The following FTCDNL1 variants were observed in gnomAD, a reference collection of about 807,000 sequenced individuals.
FTCDNL1 encodes the protein formiminotransferase N-terminal subdomain-containing protein.
Under a neutral mutation model 5.9 loss-of-function variants are expected in FTCDNL1, and 11 were observed. The ratio of observed to expected loss-of-function variants is 1.87; its 90% CI spans 1.18 to 3.10. The LOEUF is 3.10. Among genes scored for constraint, FTCDNL1 ranks in the 30% most tolerant of loss-of-function variants. FTCDNL1 has a pLI of 0.00. For synonymous variants in FTCDNL1, 58 were observed against 24.8 expected, an observed-to-expected ratio of 2.34 and a Z score of -3.99; for missense variants, 115 against 65.5, an observed-to-expected ratio of 1.76 and a Z score of -2.61.
downstream of FTCDNL1, among the ~76,000 whole-genome samples, chr2:199,805,710 T>A (rs913526033): frequency 4.0e-5 from 6 of 151,644 alleles, no homozygotes; most frequent in African/African-American, 1.5e-4. Context: ...CTGCACTCCA[T>A]CCTGGGCAAC....
chr2:199,671,384 G>A, the FTCDNL1 span, among the ~76,000 whole-genome samples: 1 of 151,980 alleles, frequency 6.6e-6, no homozygotes, highest in Non-Finnish European at 1.5e-5. Context: ...GCAGCCTATG[G>A]GAGTGCAGGT....
chr2:199,795,871 C>T (rs1382557873), intron 3 of FTCDNL1, among the ~76,000 whole-genome samples: 2 of 152,016 alleles, frequency 1.3e-5, no homozygotes, highest in East Asian at 1.9e-4. Context: ...TTTCTTGTCT[C>T]GGTAAATGCT....
At chr2:199,821,477 T>C (rs768949927) in intron 3 of FTCDNL1, among the ~76,000 whole-genome samples, 1 of 148,904 alleles carries the variant, frequency 6.7e-6, no homozygotes, top group African/African-American at 2.5e-5. Context: ...TGTTTGTTTG[T>C]TTTTTGAGAT....
chr2:199,797,466 T>C (rs955684761), intron 3 of FTCDNL1, among the ~76,000 whole-genome samples: 3 of 152,172 alleles, frequency 2.0e-5, no homozygotes, highest in Admixed American at 6.5e-5. Flanking sequence ...TGAATCTCAT[T>C]TTACTATTTA....
intron 3 of FTCDNL1, among the ~76,000 whole-genome samples, chr2:199,832,008 A>T (rs2106580948): frequency 6.6e-6 from 1 of 152,308 alleles, no homozygotes; most frequent in East Asian, 1.9e-4. Flanking sequence ...TCATGGAGAT[A>T]CAGATACAAG....
At chr2:199,793,028 C>A (rs1185765301) in intron 3 of FTCDNL1, among the ~76,000 whole-genome samples, 1 of 152,012 alleles carries the variant, frequency 6.6e-6, no homozygotes, top group Non-Finnish European at 1.5e-5. Flanking sequence ...AAACAATGAC[C>A]TCAAAATACT....
In FTCDNL1 at chr2:199,810,934, A is replaced by C. The variant is rs1700999195; in HGVS notation, c.*1771T>G. Among the ~76,000 whole-genome samples, 1 of 152,136 alleles carries C rather than the reference A, an allele frequency of 6.6e-6. No individual in the cohort carries two copies. The highest frequency in any genetic ancestry group is 1.5e-5 in the Non-Finnish European group (1 of 68,020). The stretch of plus-strand genomic sequence containing the variant: ...TTCTGGGTTCACTTTTCCCTAGACT[A>C]CGATGGTTTGGGGGCTTTGTTGCCT... On this transcript the variant is annotated 3_prime_UTR_variant, in exon 5 of 5. Transcript: ENST00000420128.
At chr2:199,796,981 G>A (rs1700204495) in intron 3 of FTCDNL1, among the ~76,000 whole-genome samples, 1 of 151,972 alleles carries the variant, frequency 6.6e-6, no homozygotes. Context: ...AGCTTCTCAA[G>A]GAACTGACCA....
chr2:199,717,989 A>AC, the FTCDNL1 span, among the ~76,000 whole-genome samples: 11 of 121,746 alleles, frequency 9.0e-5, no homozygotes, highest in Admixed American at 6.7e-4. Flanking sequence ...AAAAAAACAA[A>AC]AAAAAAAAAA....
At chr2:199,709,660 TCTGCCA>T in the FTCDNL1 span, among the ~76,000 whole-genome samples, 1 of 151,914 alleles carries the variant, frequency 6.6e-6, no homozygotes, top group African/African-American at 2.4e-5. Context: ...AAAATGAAAA[TCTGCCA>T]CTGGTTTAGG....
At chr2:199,675,394 T>G in the FTCDNL1 span, among the ~76,000 whole-genome samples, 1 of 152,174 alleles carries the variant, frequency 6.6e-6, no homozygotes, top group Non-Finnish European at 1.5e-5. Flanking sequence ...CAATATTCAA[T>G]ATGCTGTACT....
intron 3 of FTCDNL1, among the ~76,000 whole-genome samples, chr2:199,797,009 A>G (rs1472677312): frequency 6.6e-6 from 1 of 152,194 alleles, no homozygotes; most frequent in African/African-American, 2.4e-5. Context: ...ACCCAGAAAA[A>G]AAGTAAAACA....
chr2:199,771,914 T>C (rs975807985), intron 3 of FTCDNL1, among the ~76,000 whole-genome samples: 1 of 152,254 alleles, frequency 6.6e-6, no homozygotes, highest in Non-Finnish European at 1.5e-5. Context: ...ATACACTATG[T>C]TTTATCCTAT....
At chr2:199,709,244 A>ACTCTGG in the FTCDNL1 span, among the ~76,000 whole-genome samples, 1 of 152,056 alleles carries the variant, frequency 6.6e-6, no homozygotes, top group Non-Finnish European at 1.5e-5. Context: ...TCTGACTCTG[A>ACTCTGG]CTCTGAGCTC....
chr2:199,762,053 A>G (rs1485230300), intron 3 of FTCDNL1, among the ~76,000 whole-genome samples: 2 of 151,302 alleles, frequency 1.3e-5, no homozygotes, highest in Non-Finnish European at 2.9e-5. Context: ...AGCCGATGAG[A>G]AAAAAAAACA....
chr2:199,699,191 G>T, the FTCDNL1 span, among the ~76,000 whole-genome samples: 2 of 152,124 alleles, frequency 1.3e-5, no homozygotes, highest in Non-Finnish European at 2.9e-5. Flanking sequence ...GCTGCGCCAG[G>T]TGTGGTGGCT....
At chr2:199,797,550 T>C (rs1210644884) in intron 3 of FTCDNL1, among the ~76,000 whole-genome samples, 1 of 152,182 alleles carries the variant, frequency 6.6e-6, no homozygotes, top group Non-Finnish European at 1.5e-5. Context: ...AAGAATGAGA[T>C]ACTGTAAACA....
the FTCDNL1 span, among the ~76,000 whole-genome samples, chr2:199,716,047 A>T: frequency 1.4e-4 from 2 of 14,152 alleles, no homozygotes; most frequent in East Asian, 2.4e-3. Context: ...AAAAAAAAAA[A>T]AAAAAAAAAA....
the FTCDNL1 span, among the ~76,000 whole-genome samples, chr2:199,688,024 A>G: frequency 6.6e-6 from 1 of 152,010 alleles, no homozygotes; most frequent in Non-Finnish European, 1.5e-5. Context: ...AAGTGGGTGG[A>G]TCACTTGAGG....
Sources: allele counts gnomAD v4.1 joint callset (sites outside exome capture counted in the v4.1 genomes callset), GRCh38; gene constraint gnomAD v4.1.1; transcripts MANE v1.5; gene names NCBI Gene and HGNC (gene_info 2026-07-23, HGNC 2026-07-21).